Variants in IFIH1 observed in about 807,000 individuals in gnomAD.
IFIH1 encodes interferon induced with helicase C domain 1.
Under a neutral mutation model 107.4 loss-of-function variants are expected in IFIH1, and 125 were observed. That is an observed-to-expected ratio of 1.16 (90% CI 1.01 to 1.35). IFIH1 has a LOEUF of 1.35. Ranked by LOEUF, IFIH1 falls within the 40% of genes most tolerant of loss-of-function variation. The pLI is 0.00. For missense variants in IFIH1, 1,333 were observed against 1,213.7 expected, an observed-to-expected ratio of 1.10 and a Z score of -1.46; for synonymous variants, 458 against 413.2, an observed-to-expected ratio of 1.11 and a Z score of -1.31.
chr2:162,309,660 T>C (rs1683356228), intron 2 of IFIH1, among the ~76,000 whole-genome samples: 1 of 152,232 alleles, frequency 6.6e-6, no homozygotes, highest in South Asian at 2.1e-4. Flanking sequence ...CATGATCTTG[T>C]TATCAATTGG....
chr2:162,273,122 T>C (rs1008730796), intron 12 of IFIH1, among the ~76,000 whole-genome samples: 1 of 152,200 alleles, frequency 6.6e-6, no homozygotes, highest in Non-Finnish European at 1.5e-5. Context: ...GGATGCAATT[T>C]AAGTTATTTA....
intron 4 of IFIH1, among the ~76,000 whole-genome samples, chr2:162,288,791 G>A (rs1682942215): frequency 1.3e-5 from 2 of 151,844 alleles, no homozygotes; most frequent in African/African-American, 2.4e-5. Flanking sequence ...GAGGAGCTGA[G>A]AAAGTTGGAA....
chr2:162,317,791 G>GCCCC, intron 1 of IFIH1, 64 bp downstream of exon 1: 1 of 1,349,148 alleles, frequency 7.4e-7, no homozygotes, highest in Non-Finnish European at 1.0e-6. Flanking sequence ...AGGGGCAAAC[G>GCCCC]CACAAGGAAG....
At chr2:162,310,012 C>G (rs1683362466) in intron 2 of IFIH1, 1 of 152,172 alleles carries the variant, frequency 6.6e-6, no homozygotes. Flanking sequence ...ACCATTCACC[C>G]AAAACTCTTA....
intron 3 of IFIH1, among the ~76,000 whole-genome samples, chr2:162,301,258 C>A (rs1001889601): frequency 2.0e-5 from 3 of 152,128 alleles, no homozygotes; most frequent in Non-Finnish European, 4.4e-5. Context: ...TCAAAATATA[C>A]ACATGCAATC....
chr2:162,290,679 C>G (rs1682981169), intron 4 of IFIH1, among the ~76,000 whole-genome samples: 1 of 151,890 alleles, frequency 6.6e-6, no homozygotes, highest in African/African-American at 2.4e-5. Context: ...CCTGGTTAGA[C>G]AGATAGCTCA....
chr2:162,276,725 C>T lies in IFIH1; in HGVS notation c.2266G>A (p.Gly756Arg), dbSNP rs1274626078. The T allele has an allele frequency of 6.2e-7, 1 of 1,613,960 alleles. No individual in the cohort carries two copies. The highest frequency in any genetic ancestry group is 1.7e-5 in the Admixed American group (1 of 59,972). The change falls in exon 11 of 16, where the codon GGA (glycine) becomes AGA (arginine). Residue 756 changes from glycine to arginine, a missense_variant. Physicochemically the swap from Gly to Arg is moderately radical, Grantham distance 125. Coordinates refer to ENST00000649979, the MANE Select transcript of IFIH1 (RefSeq NM_022168.4). The stretch of plus-strand genomic sequence containing the variant: ...TTGAACTCACTGCTGTGTCCAGCTC[C>T]AATCAGATGGTGGGCTTTGACTCCT... ...EVGVKAHHLI[G>R]AGHSSEFKPM...
At position 162,294,508 on chromosome 2, in the gene IFIH1, G is replaced by A. The variant is rs116059641; in HGVS notation, c.770-840C>T. 9.5e-3 allele frequency among the ~76,000 whole-genome samples: 1,446 copies of A among 152,022 alleles called. 30 individuals carry two copies. The highest frequency in any genetic ancestry group is 0.033 in the African/African-American group (1,369 of 41,526). On this transcript the variant is annotated intron_variant, in intron 3 of 15. Transcript: ENST00000649979. ...AATGGTGGTTACTAATATTGGCTTT[G>A]GAATCAGAAGGACTTGCAAAATTTG...
In IFIH1 at chr2:162,276,647, G is replaced by GAAAGA. The variant is rs753063005; in HGVS notation, c.2304+35_2304+39dup. On this transcript the variant is annotated intron_variant, in intron 11 of 15. Transcript: ENST00000649979. ...AAGAAGAGAAGAGAAGAAGAAAAGA[G>GAAAGA]AAAGAAAAGAAAAGAAGTCGTCCAA... The GAAAGA allele has an allele frequency of 3.8e-6, 6 of 1,565,624 alleles. No homozygotes were observed. The African/African-American group carries it at 4.1e-5, about 11-fold the overall frequency.
intron 5 of IFIH1, among the ~76,000 whole-genome samples, chr2:162,284,943 C>T (rs1024387770): frequency 1.3e-5 from 2 of 151,838 alleles, no homozygotes; most frequent in African/African-American, 4.8e-5. Flanking sequence ...CAAAAGAAGC[C>T]GCACCTTCTG....
intron 1 of IFIH1, among the ~76,000 whole-genome samples, chr2:162,311,435 C>A (rs1360849135): frequency 6.6e-6 from 1 of 151,602 alleles, no homozygotes; most frequent in Non-Finnish European, 1.5e-5. Context: ...ATTACTACTG[C>A]AGATTTATAT....
chr2:162,290,368 G>A (rs1221716795), intron 4 of IFIH1, among the ~76,000 whole-genome samples: 2 of 151,548 alleles, frequency 1.3e-5, no homozygotes, highest in African/African-American at 2.4e-5. Flanking sequence ...TCTTTCCCGA[G>A]AATCCAGAAC....
intron 1 of IFIH1, among the ~76,000 whole-genome samples, chr2:162,311,864 A>G (rs1310873687): frequency 1.3e-5 from 2 of 152,172 alleles, no homozygotes; most frequent in Non-Finnish European, 1.5e-5. Context: ...CAGAGTTTCT[A>G]TATCTTAGCT....
At chr2:162,289,333 AT>A (rs1299380833) in intron 4 of IFIH1, among the ~76,000 whole-genome samples, 1 of 151,630 alleles carries the variant, frequency 6.6e-6, no homozygotes, top group Non-Finnish European at 1.5e-5. Flanking sequence ...CTTGTTTTAG[AT>A]AGAATATATT....
At chr2:162,286,209 A>G (rs1236310456) in intron 5 of IFIH1, among the ~76,000 whole-genome samples, 3 of 152,002 alleles carry the variant, frequency 2.0e-5, no homozygotes, top group Non-Finnish European at 4.4e-5. Flanking sequence ...GAACAACAAA[A>G]AAAAGTAACT....
In IFIH1 at chr2:162,281,405, G is replaced by C. The variant is rs763638412; in HGVS notation, c.1447C>G (p.Gln483Glu). ...GGTGAAGCTGTTAGTCCCAGTATCTGAGGAAGGGGAATCACTGGTTTGTTT... is the reference window on the plus strand; with the variant it reads ...GGTGAAGCTGTTAGTCCCAGTATCTCAGGAAGGGGAATCACTGGTTTGTTT... ...KENKPVIPLP[Q>E]ILGLTASPGV... The change falls in exon 7 of 16, where the codon CAG becomes GAG. Residue 483 changes from glutamine to glutamate, a missense_variant. By Grantham distance (29) the Gln-to-Glu change is conservative. Coordinates refer to ENST00000649979, the MANE Select transcript of IFIH1 (RefSeq NM_022168.4). The C allele has an allele frequency of 8.1e-6, 13 of 1,612,874 alleles. No homozygotes were observed. Among genetic ancestry groups the C allele is most frequent in the Admixed American group, 5.0e-5 (3 of 59,844 alleles).
intron 13 of IFIH1, among the ~76,000 whole-genome samples, chr2:162,271,748 G>A (rs1454141928): frequency 3.9e-5 from 6 of 151,996 alleles, no homozygotes; most frequent in Non-Finnish European, 8.8e-5. Context: ...TACTGTTTCT[G>A]TCCTCCAAAC....
intron 1 of IFIH1, among the ~76,000 whole-genome samples, chr2:162,311,330 G>A (rs1239695982): frequency 2.6e-5 from 4 of 151,964 alleles, no homozygotes; most frequent in African/African-American, 9.7e-5. Flanking sequence ...TGTATATCTA[G>A]GGCTGGCTAT....
At position 162,304,587 on chromosome 2, in the gene IFIH1, T is replaced by A. The variant is rs183595399; in HGVS notation, c.769+2122A>T. ...TATGACAATGAATTGATATCTTATA[T>A]ACTTAGATAGTTCATATAAGTCAGC... On this transcript the variant is annotated intron_variant, in intron 3 of 15. Transcript: ENST00000649979. Among the ~76,000 whole-genome samples, 665 of 152,336 alleles carry A rather than the reference T, an allele frequency of 4.4e-3. 7 individuals carry two copies. Among genetic ancestry groups the A allele is most frequent in the African/African-American group, 0.015 (631 of 41,570 alleles).
Sources: allele counts gnomAD v4.1 joint callset (sites outside exome capture counted in the v4.1 genomes callset), GRCh38; gene constraint gnomAD v4.1.1; transcripts MANE v1.5; gene names NCBI Gene and HGNC (gene_info 2026-07-23, HGNC 2026-07-21).